SLC25A21: variants seen among roughly 807,000 people sequenced by gnomAD.
SLC25A21 encodes the protein solute carrier family 25 member 21, also known as mitochondrial 2-oxodicarboxylate carrier.
In SLC25A21, 47 loss-of-function variants were observed where a neutral mutation model predicts 43.8. The observed-to-expected ratio is 1.07, with a 90% CI of 0.85 to 1.37. SLC25A21 has a LOEUF of 1.37. Ranked by LOEUF, SLC25A21 falls within the 40% of genes most tolerant of loss-of-function variation. The probability of loss-of-function intolerance (pLI) is 0.00; values close to 1 mark genes in which losing one functional copy is unlikely to be tolerated. For synonymous variants in SLC25A21, 131 were observed against 121.3 expected, an observed-to-expected ratio of 1.08 and a Z score of -0.52; for missense variants, 352 against 350.2, an observed-to-expected ratio of 1.00 and a Z score of -0.04.
At chr14:36,812,358 G>A (rs1053171836) in intron 3 of SLC25A21, among the ~76,000 whole-genome samples, 1 of 151,820 alleles carries the variant, frequency 6.6e-6, no homozygotes, top group Non-Finnish European at 1.5e-5. Flanking sequence ...AGGTAAGTTT[G>A]TCAACATCTG....
At chr14:37,015,178 C>A (rs1278223801) in intron 1 of SLC25A21, among the ~76,000 whole-genome samples, 1 of 146,264 alleles carries the variant, frequency 6.8e-6, no homozygotes, top group Non-Finnish European at 1.5e-5. Flanking sequence ...TCTCCTAACG[C>A]TATCCCTCCC....
chr14:37,126,688 C>A (rs118148097), intron 1 of SLC25A21, among the ~76,000 whole-genome samples: 1 of 152,244 alleles, frequency 6.6e-6, no homozygotes, highest in East Asian at 1.9e-4. Context: ...AAAGCCTACA[C>A]GAACATGTCA....
intron 2 of SLC25A21, among the ~76,000 whole-genome samples, chr14:36,819,743 A>T (rs935609189): frequency 1.3e-5 from 2 of 152,150 alleles, no homozygotes; most frequent in African/African-American, 4.8e-5. Context: ...TGTACACTAT[A>T]CACTATATAT....
At chr14:36,764,618 A>G (rs1180096834) in intron 3 of SLC25A21, among the ~76,000 whole-genome samples, 2 of 82,266 alleles carry the variant, frequency 2.4e-5, no homozygotes, top group African/African-American at 9.0e-5. Context: ...CACACACTCC[A>G]AAAAAAAAAA....
chr14:36,723,951 G>C (rs1594524482), intron 6 of SLC25A21, among the ~76,000 whole-genome samples: 1 of 152,080 alleles, frequency 6.6e-6, no homozygotes, highest in African/African-American at 2.4e-5. Flanking sequence ...CACCGGACAG[G>C]GATCTCTGCA....
At chr14:36,862,562 G>A (rs1174558350) in intron 2 of SLC25A21, among the ~76,000 whole-genome samples, 5 of 152,112 alleles carry the variant, frequency 3.3e-5, no homozygotes, top group Admixed American at 2.6e-4. Context: ...TGAACAATGA[G>A]AACACATGGA....
intron 1 of SLC25A21, chr14:37,171,846 T>C (rs1964134946): frequency 5.8e-6 from 1 of 173,686 alleles, no homozygotes; most frequent in Non-Finnish European, 1.2e-5. Context: ...GTCCTGTAAG[T>C]ACTTTGATGA....
chr14:36,765,420 C>T (rs1160298089), intron 3 of SLC25A21, among the ~76,000 whole-genome samples: 1 of 152,186 alleles, frequency 6.6e-6, no homozygotes, highest in Non-Finnish European at 1.5e-5. Context: ...AACAAAATAA[C>T]ATGGTTGTTT....
At chr14:36,996,737 G>A (rs546891848) in intron 1 of SLC25A21, among the ~76,000 whole-genome samples, 24 of 152,290 alleles carry the variant, frequency 1.6e-4, no homozygotes, top group African/African-American at 5.3e-4. Flanking sequence ...CCTTAGAGAT[G>A]AGTCAGCCGA....
chr14:36,869,541 T>C (rs1890307982), intron 2 of SLC25A21, among the ~76,000 whole-genome samples: 1 of 152,186 alleles, frequency 6.6e-6, no homozygotes, highest in Non-Finnish European at 1.5e-5. Context: ...AGGTACCAGA[T>C]GACTTGAAAA....
chr14:36,695,487 T>G (rs527672533), intron 7 of SLC25A21, among the ~76,000 whole-genome samples: 2 of 152,356 alleles, frequency 1.3e-5, no homozygotes, highest in African/African-American at 4.8e-5. Context: ...ATTGAATCTA[T>G]AAATTACTTT....
At chr14:37,086,028 C>T (rs1255391729) in intron 1 of SLC25A21, among the ~76,000 whole-genome samples, 1 of 152,062 alleles carries the variant, frequency 6.6e-6, no homozygotes, top group Non-Finnish European at 1.5e-5. Context: ...TGGCGCGAAC[C>T]CAGGAGGCGG....
At chr14:36,837,349 G>A (rs1382634622) in intron 2 of SLC25A21, among the ~76,000 whole-genome samples, 1 of 152,100 alleles carries the variant, frequency 6.6e-6, no homozygotes, top group Non-Finnish European at 1.5e-5. Context: ...TGAAGGGCAA[G>A]CCTGCCGAAC....
At chr14:36,821,591 C>T (rs549920709) in intron 2 of SLC25A21, among the ~76,000 whole-genome samples, 1 of 152,010 alleles carries the variant, frequency 6.6e-6, no homozygotes, top group East Asian at 1.9e-4. Context: ...CCAAGGCAGC[C>T]GGATTACTTA....
At chr14:37,005,109 C>T (rs1440098252) in intron 1 of SLC25A21, among the ~76,000 whole-genome samples, 1 of 151,968 alleles carries the variant, frequency 6.6e-6, no homozygotes, top group Non-Finnish European at 1.5e-5. Flanking sequence ...ATACTGATTT[C>T]CAGAAAGTTA....
intron 1 of SLC25A21, among the ~76,000 whole-genome samples, chr14:37,162,112 A>T (rs1484254388): frequency 6.6e-6 from 1 of 152,120 alleles, no homozygotes; most frequent in Non-Finnish European, 1.5e-5. Context: ...GCCAGAAGCT[A>T]GGAGAGAGGT....
chr14:36,818,188 G>A (rs554160888), intron 2 of SLC25A21, among the ~76,000 whole-genome samples: 6 of 152,128 alleles, frequency 3.9e-5, no homozygotes, highest in South Asian at 4.1e-4. Context: ...GCTATTTATG[G>A]GTGGGAAATA....
chr14:36,986,762 GTTCTTTGTTTCTTTAT>G (rs1462104329), intron 1 of SLC25A21, among the ~76,000 whole-genome samples: 1 of 151,974 alleles, frequency 6.6e-6, no homozygotes, highest in Non-Finnish European at 1.5e-5. Flanking sequence ...ATGTTTAGGT[GTTCTTTGTTTCTTTAT>G]TTCTTTGTTT....
chr14:36,879,798 ACCTG>A (rs904857673), intron 1 of SLC25A21, among the ~76,000 whole-genome samples: 34 of 149,130 alleles, frequency 2.3e-4, no homozygotes, highest in African/African-American at 7.6e-4. Flanking sequence ...CTCTGAAATA[ACCTG>A]CACCACACTC....
Sources: allele counts gnomAD v4.1 joint callset (sites outside exome capture counted in the v4.1 genomes callset), GRCh38; gene constraint gnomAD v4.1.1; transcripts MANE v1.5; gene names NCBI Gene and HGNC (gene_info 2026-07-23, HGNC 2026-07-21).